The following SPTAN1 variants were observed in gnomAD, a reference collection of about 807,000 sequenced individuals.
SPTAN1 encodes spectrin alpha chain, non-erythrocytic 1.
Under a neutral mutation model 331.3 loss-of-function variants are expected in SPTAN1, and 61 were observed. The ratio of observed to expected loss-of-function variants is 0.18; its 90% CI spans 0.15 to 0.23. SPTAN1 has a LOEUF of 0.23. Among genes scored for constraint, SPTAN1 ranks in the 10% least tolerant of loss-of-function variants. The probability of loss-of-function intolerance (pLI) is 1.00; values close to 1 mark genes in which losing one functional copy is unlikely to be tolerated. For synonymous variants in SPTAN1, 1,153 were observed against 1,173.9 expected (o/e 0.98, Z 0.36); for missense variants, 2,043 against 3,147.9 (o/e 0.65, Z 8.40).
chr9:128,619,362 G>A (rs1173093207), intron 44 of SPTAN1, among the ~76,000 whole-genome samples: 4 of 152,202 alleles, frequency 2.6e-5, no homozygotes, highest in African/African-American at 9.6e-5. Context: ...GAGTGGCTGA[G>A]GACAACAGAG....
intron 19 of SPTAN1, 84 bp downstream of exon 19, chr9:128,586,049 G>GC: frequency 8.5e-7 from 1 of 1,181,210 alleles, no homozygotes; most frequent in South Asian, 1.2e-5. Flanking sequence ...AAGTAGTGAT[G>GC]CGCGGGAGGT....
In SPTAN1 at chr9:128,627,655, CG is replaced by C; in HGVS notation, c.6689+160del. 1.2e-6 allele frequency: 1 copy of C among 832,240 alleles called. No individual in the cohort carries two copies. 51.6% of individuals were successfully genotyped at this position (832,240 alleles called of 1,614,324 possible). A position where few individuals can be genotyped will look rare whatever the true frequency, so the allele number is the denominator to read the frequency against. ...GCAACGCCTGGTCGGGCTCTGGAGC[CG>C]GGAGTGGGGGCATAGGTGGAGCAGC... On this transcript the variant is annotated intron_variant, in intron 50 of 56. Transcript: ENST00000372739. The surrounding 1 kb of genome is among the most constrained non-coding windows in gnomAD (Gnocchi z 4.9).
At position 128,626,481 on chromosome 9, in the gene SPTAN1, C is replaced by T. The variant is rs1193718145; in HGVS notation, c.6370C>T (p.Arg2124Cys). ...NAEEDLTDPV[R>C]CNSLEEIKAL... ...AGAGGAGGACTTAACAGACCCCGTG[C>T]GCTGCAACTCCTTGGAAGAAATCAA... The change falls in exon 49 of 57, where the codon CGC (arginine) becomes TGC (cysteine). Residue 2124 changes from arginine (R) to cysteine (C), a missense_variant. Physicochemically the swap from Arg to Cys is radical, Grantham distance 180. This residue lies in a region of SPTAN1 where 256 missense variants were observed against 376.4 expected (regional missense o/e 0.68). Transcript: ENST00000372739. 12 of 1,614,160 alleles carry T rather than the reference C, an allele frequency of 7.4e-6. No individual in the cohort carries two copies. The highest frequency in any genetic ancestry group is 1.0e-5 in the Non-Finnish European group (12 of 1,180,032).
intron 1 of SPTAN1, among the ~76,000 whole-genome samples, chr9:128,559,541 A>C (rs1346475592): frequency 6.6e-6 from 1 of 152,178 alleles, no homozygotes; most frequent in African/African-American, 2.4e-5. Context: ...CAGTGTCGTT[A>C]TTGTTCCATG....
intron 9 of SPTAN1, among the ~76,000 whole-genome samples, chr9:128,579,144 G>A (rs935165350): frequency 4.6e-5 from 7 of 152,100 alleles, no homozygotes; most frequent in South Asian, 2.1e-4. Context: ...GATATATACC[G>A]TTAATGCAGT....
At chr9:128,554,044 ACTAATGT>A (rs1848398967) in intron 1 of SPTAN1, among the ~76,000 whole-genome samples, 1 of 152,160 alleles carries the variant, frequency 6.6e-6, no homozygotes, top group African/African-American at 2.4e-5. Context: ...ATTGCAGCTA[ACTAATGT>A]CTTAGATTTT....
intron 24 of SPTAN1, among the ~76,000 whole-genome samples, chr9:128,598,010 G>A (rs1854542886): frequency 6.6e-6 from 1 of 151,428 alleles, no homozygotes; most frequent in Admixed American, 6.6e-5. Context: ...GTGCAATGGC[G>A]CAATCTCAGC....
chr9:128,599,403 G>T, intron 26 of SPTAN1: 1 of 223,110 alleles, frequency 4.5e-6, no homozygotes, highest in Non-Finnish European at 9.0e-6. Flanking sequence ...CCAGAGTGCT[G>T]GGATTACAGA....
chr9:128,614,518 A>C (rs1856915292), intron 40 of SPTAN1, among the ~76,000 whole-genome samples: 1 of 151,652 alleles, frequency 6.6e-6, no homozygotes, highest in South Asian at 2.1e-4. Context: ...TGAGCCCGGG[A>C]GGCAGAGGTT....
chr9:128,623,851 C>T (rs1241957427), intron 45 of SPTAN1, among the ~76,000 whole-genome samples: 8 of 151,432 alleles, frequency 5.3e-5, no homozygotes, highest in Admixed American at 3.3e-4. Context: ...TTTGGGAAGC[C>T]GAGGTGGGCA....
chr9:128,577,580 G>A lies in SPTAN1; in HGVS notation c.1085+74G>A. 3.1e-6 allele frequency: 5 copies of A among 1,591,030 alleles called. No individual in the cohort carries two copies. The African/African-American group carries it at 4.1e-5, about 13-fold the overall frequency. On this transcript the variant is annotated intron_variant, in intron 8 of 56. Coordinates refer to ENST00000372739, the MANE Select transcript of SPTAN1 (RefSeq NM_001130438.3). The surrounding 1 kb of genome is among the most constrained non-coding windows in gnomAD (Gnocchi z 4.2). ...TGGAAGCAGGAATAGCAGAGTTAAG[G>A]GTCTGTTCTGTGTTCTGTGAAAGTG...
intron 24 of SPTAN1, among the ~76,000 whole-genome samples, chr9:128,594,894 TCTCGG>T (rs898306505): frequency 6.8e-6 from 1 of 147,666 alleles, no homozygotes; most frequent in Non-Finnish European, 1.5e-5. Context: ...AATGGTGCGA[TCTCGG>T]CTCACTGCAA....
In SPTAN1 at chr9:128,597,052, C is replaced by G. The variant is rs917893721; in HGVS notation, c.3415-1348C>G. Among the ~76,000 whole-genome samples the G allele has an allele frequency of 3.3e-5, 5 of 152,072 alleles. No individual in the cohort carries two copies. In the South Asian group the frequency reaches 6.2e-4, roughly 19 times the overall value. On this transcript the variant is annotated intron_variant, in intron 24 of 56. Coordinates refer to ENST00000372739, the MANE Select transcript of SPTAN1 (RefSeq NM_001130438.3). ...GCGCCTGCCTGTAGACCCAGCTACT[C>G]GGTACACTGAGGCATGAAGATCGCT...
At chr9:128,572,308 G>A (rs1008333760) in intron 3 of SPTAN1, among the ~76,000 whole-genome samples, 2 of 150,416 alleles carry the variant, frequency 1.3e-5, no homozygotes, top group South Asian at 2.1e-4. Flanking sequence ...TGTCCACCCC[G>A]TCAGCTTTCC....
intron 20 of SPTAN1, among the ~76,000 whole-genome samples, chr9:128,587,940 G>A (rs1231119109): frequency 6.6e-6 from 1 of 151,986 alleles, no homozygotes; most frequent in African/African-American, 2.4e-5. Flanking sequence ...CCGCCTCCTG[G>A]GTTCAAGCGA....
chr9:128,619,169 G>C (rs2131821124), intron 44 of SPTAN1, among the ~76,000 whole-genome samples, 166 bp downstream of exon 44: 1 of 152,302 alleles, frequency 6.6e-6, no homozygotes, highest in South Asian at 2.1e-4. Context: ...TCTCACACTA[G>C]GGGACATCAC....
intron 16 of SPTAN1, 23 bp from the exon 17 acceptor site, chr9:128,584,259 G>C (rs1472674698): frequency 1.2e-6 from 2 of 1,614,144 alleles, no homozygotes; most frequent in African/African-American, 1.3e-5. Flanking sequence ...AGTAAAGTCT[G>C]CTCTGTCCTT....
intron 27 of SPTAN1, among the ~76,000 whole-genome samples, chr9:128,602,672 G>A (rs562846988): frequency 5.3e-5 from 8 of 149,914 alleles, no homozygotes; most frequent in South Asian, 2.1e-4. Context: ...GTCTTGCTCC[G>A]TTGCCCAGGC....
Position 128,633,346 on chromosome 9 carries a change from G to T in SPTAN1, c.*12G>T. 6.2e-7 allele frequency: 1 copy of T among 1,613,646 alleles called. No homozygotes were observed. Among genetic ancestry groups the T allele is most frequent in the South Asian group, 1.1e-5 (1 of 91,084 alleles). On this transcript the variant is annotated 3_prime_UTR_variant, in exon 57 of 57. Transcript: ENST00000372739. ...TTTTCGTGAACTGAGCCACTCCCTG[G>T]GTCACCCACCCCTCGCTGCTTGCCC...
Sources: allele counts gnomAD v4.1 joint callset (sites outside exome capture counted in the v4.1 genomes callset), GRCh38; gene constraint gnomAD v4.1.1; regional missense constraint gnomAD v4.1.1; non-coding constraint Gnocchi (gnomAD v3.1); transcripts MANE v1.5; gene names NCBI Gene and HGNC (gene_info 2026-07-23, HGNC 2026-07-21).